The following DLG5 variants were observed in gnomAD, a reference collection of about 807,000 sequenced individuals.
DLG5 encodes the protein discs large MAGUK scaffold protein 5.
DLG5 carries 48 observed loss-of-function variants against 189.8 expected under a neutral mutation model. That is an observed-to-expected ratio of 0.25 (90% CI 0.20 to 0.32). The LOEUF (loss-of-function observed/expected upper bound fraction) is 0.32, where lower values mean the gene tolerates loss of function less well. Among genes scored for constraint, DLG5 ranks in the 10% least tolerant of loss-of-function variants. The probability of loss-of-function intolerance (pLI) is 1.00; values close to 1 mark genes in which losing one functional copy is unlikely to be tolerated. For synonymous variants in DLG5, 1,016 were observed against 1,054.1 expected, an observed-to-expected ratio of 0.96 and a Z score of 0.70; for missense variants, 2,160 against 2,544.7, an observed-to-expected ratio of 0.85 and a Z score of 3.25.
chr10:77,869,324 C>A, intron 1 of DLG5, 127 bp from the exon 2 acceptor site: 1 of 884,294 alleles, frequency 1.1e-6, no homozygotes, highest in Non-Finnish European at 1.8e-6. Flanking sequence ...AATCCACATC[C>A]ACGGGCCAAG....
intron 1 of DLG5, among the ~76,000 whole-genome samples, chr10:77,897,248 C>G (rs1845788278): frequency 6.6e-6 from 1 of 151,840 alleles, no homozygotes; most frequent in African/African-American, 2.4e-5. Flanking sequence ...CCCAGCTACT[C>G]AGGAGGCTGA....
chr10:77,815,634 C>T (rs2154575432), intron 20 of DLG5, among the ~76,000 whole-genome samples: 1 of 152,270 alleles, frequency 6.6e-6, no homozygotes, highest in South Asian at 2.1e-4. Flanking sequence ...GTACTCCAGC[C>T]TGGGCGAAAA....
At chr10:77,846,628 C>T (rs1225185044) in intron 5 of DLG5, 3 of 447,638 alleles carry the variant, frequency 6.7e-6, no homozygotes, top group Middle Eastern at 3.6e-4. Context: ...ACCCAGGAGG[C>T]GTAGGTTGCA....
rs938272257 is a variant in DLG5 at position 77,874,095 on chromosome 10, C to G, written c.305-4898G>C. Among the ~76,000 whole-genome samples the G allele has an allele frequency of 4.6e-5, 7 of 152,266 alleles. No individual in the cohort carries two copies. The South Asian group carries it at 6.2e-4, about 14-fold the overall frequency. ...AGCCAGGTTTCCAACACGTGCCCCC[C>G]GCCTAGCATGGCACTGGGCCAGGTT... On this transcript the variant is annotated intron_variant, in intron 1 of 31. Coordinates refer to ENST00000372391, the MANE Select transcript of DLG5 (RefSeq NM_004747.4).
chr10:77,879,681 G>T (rs1845215450), intron 1 of DLG5, among the ~76,000 whole-genome samples: 1 of 151,274 alleles, frequency 6.6e-6, no homozygotes, highest in African/African-American at 2.4e-5. Context: ...GAGCTGAAAG[G>T]ATCTGCTCAT....
intron 27 of DLG5, among the ~76,000 whole-genome samples, chr10:77,797,685 G>C (rs1840992531): frequency 6.6e-6 from 1 of 152,170 alleles, no homozygotes; most frequent in Non-Finnish European, 1.5e-5. Context: ...GTCCATGAGA[G>C]GCTTGGCCTG....
At chr10:77,847,534 T>G (rs1006787937) in intron 5 of DLG5, among the ~76,000 whole-genome samples, 2 of 152,144 alleles carry the variant, frequency 1.3e-5, no homozygotes, top group African/African-American at 4.8e-5. Flanking sequence ...TGAACAAAGC[T>G]GGGGAACCAG....
At chr10:77,845,039 G>A (rs1244634715) in intron 5 of DLG5, among the ~76,000 whole-genome samples, 1 of 152,214 alleles carries the variant, frequency 6.6e-6, no homozygotes, top group Non-Finnish European at 1.5e-5. Flanking sequence ...GCCTCACAGT[G>A]AAGACTGTCT....
chr10:77,915,529 C>T (rs1342138464), intron 1 of DLG5, among the ~76,000 whole-genome samples: 1 of 152,208 alleles, frequency 6.6e-6, no homozygotes, highest in South Asian at 2.1e-4. Context: ...GTTTGGGAAA[C>T]ACTGCCTAAT....
chr10:77,926,915 C>A (rs915380661), upstream of DLG5: 8 of 352,428 alleles, frequency 2.3e-5, no homozygotes, highest in Non-Finnish European at 4.6e-5. This position sits in a 1 kb window ranked among gnomAD's most constrained non-coding sequence, Gnocchi z 5.2. Context: ...CCCCGAAAGC[C>A]GGGCCGCGCG....
chr10:77,860,809 T>A lies in DLG5; in HGVS notation c.374-3917A>T, dbSNP rs182336863. 2.0e-4 allele frequency among the ~76,000 whole-genome samples: 31 copies of A among 152,278 alleles called. No individual in the cohort carries two copies. The East Asian group carries it at 5.8e-3, about 28-fold the overall frequency. On this transcript the variant is annotated intron_variant, in intron 2 of 31. Coordinates refer to ENST00000372391, the MANE Select transcript of DLG5 (RefSeq NM_004747.4). ...GGTATTAACCTCAAAACTTGCACAT[T>A]TTTGGATCTTAGGACCTCTGTACTT...
At chr10:77,857,019 C>T (rs1844269219) in intron 2 of DLG5, 127 bp from the exon 3 acceptor site, 1 of 836,250 alleles carries the variant, frequency 1.2e-6, no homozygotes, top group Non-Finnish European at 1.8e-6. Context: ...TTAGCATTCC[C>T]CTTTCACAGA....
Position 77,833,899 on chromosome 10 carries a change from C to A in DLG5, c.1748+15G>T, listed in dbSNP as rs762290683. The A allele has an allele frequency of 6.2e-7, 1 of 1,604,470 alleles. No individual in the cohort carries two copies. Among genetic ancestry groups the A allele is most frequent in the South Asian group, 1.1e-5 (1 of 90,818 alleles). ...AGATGCATGCCCACTCCAGCGGGTG[C>A]CCACCCGAGCCTACTTGAGCTCCTT... On this transcript the variant is annotated intron_variant, in intron 9 of 31. Coordinates refer to ENST00000372391, the MANE Select transcript of DLG5 (RefSeq NM_004747.4).
At chr10:77,802,122 G>A (rs954680232) in intron 27 of DLG5, among the ~76,000 whole-genome samples, 20 of 152,192 alleles carry the variant, frequency 1.3e-4, no homozygotes, top group Non-Finnish European at 2.5e-4. Context: ...CGGAGGGAGC[G>A]AAGGTTGGCC....
At chr10:77,938,958 G>A in the DLG5 span, among the ~76,000 whole-genome samples, 185 of 152,262 alleles carry the variant, frequency 1.2e-3, no homozygotes, top group South Asian at 0.018. Context: ...GAAGGTGGGC[G>A]GATCTCCTGA....
chr10:77,806,889 C>T lies in DLG5; in HGVS notation c.4836G>A (p.Leu1612=), dbSNP rs1190580420. 3.1e-6 allele frequency: 5 copies of T among 1,613,826 alleles called. No homozygotes were observed. Among genetic ancestry groups the T allele is most frequent in the Non-Finnish European group, 4.2e-6 (5 of 1,179,850 alleles). The change falls in exon 26 of 32, where the codon TTG becomes TTA. Residue 1612 remains leucine, a synonymous_variant. Transcript: ENST00000372391. ...YDRLADVEQE[L]SFKKDDILYV... is the part of the protein sequence containing the mutation. ...AGAGGATGTCGTCCTTCTTAAAGCT[C>T]AACTCTTGCTCCACATCTGCCAGCC...
chr10:77,841,802 G>A lies in DLG5; in HGVS notation c.1437+79C>T, dbSNP rs7907788. On this transcript the variant is annotated intron_variant, in intron 7 of 31. Transcript: ENST00000372391. ...TCCAACTCAGGAGGCTTCTAATCCG[G>A]ACACCACGCACTCTGCAGCCCCTCT... The A allele has an allele frequency of 0.016, 23,450 of 1,506,554 alleles. 3,027 individuals carry two copies. In the African/African-American group the frequency reaches 0.28, roughly 18 times the overall value. The allele number at this position is 1,506,554 out of a possible 1,614,324, so 93.3% of individuals were successfully genotyped here.
At chr10:77,905,511 C>T (rs1175488876) in intron 1 of DLG5, among the ~76,000 whole-genome samples, 1 of 152,198 alleles carries the variant, frequency 6.6e-6, no homozygotes, top group East Asian at 1.9e-4. Context: ...ATCCTTGTCC[C>T]TACGTTAAAA....
At position 77,806,139 on chromosome 10, in the gene DLG5, G is replaced by A. The variant is rs74140349; in HGVS notation, c.4968-278C>T. Reference sequence around the variant, plus strand: ...GGTGTCAAAAGGAACTGCTAGGACAGCCTTCAATTGGTGACATGACGAGTT... The same window carrying A: ...GGTGTCAAAAGGAACTGCTAGGACAACCTTCAATTGGTGACATGACGAGTT... On this transcript the variant is annotated intron_variant, in intron 26 of 31. Transcript: ENST00000372391. 5.1e-3 allele frequency: 2,161 copies of A among 425,296 alleles called. 47 individuals carry two copies. The highest frequency in any genetic ancestry group is 0.039 in the African/African-American group (1,921 of 49,758). 26.3% of individuals were successfully genotyped at this position (425,296 alleles called of 1,614,324 possible). A position where few individuals can be genotyped will look rare whatever the true frequency, so the allele number is the denominator to read the frequency against.
Sources: allele counts gnomAD v4.1 joint callset (sites outside exome capture counted in the v4.1 genomes callset), GRCh38; gene constraint gnomAD v4.1.1; non-coding constraint Gnocchi (gnomAD v3.1); transcripts MANE v1.5; gene names NCBI Gene and HGNC (gene_info 2026-07-23, HGNC 2026-07-21).